The following DOP1A variants were observed in gnomAD, a reference collection of about 807,000 sequenced individuals.
DOP1A encodes the protein protein DOP1A.
In DOP1A, 90 loss-of-function variants were observed where a neutral mutation model predicts 267.6. The observed-to-expected ratio is 0.34, with a 90% confidence interval of 0.28 to 0.40. The LOEUF (loss-of-function observed/expected upper bound fraction) is 0.40, where lower values mean the gene tolerates loss of function less well. Among genes scored for constraint, DOP1A ranks in the 10% least tolerant of loss-of-function variants. DOP1A has a pLI of 1.00. For missense variants in DOP1A, 2,437 were observed against 2,900.4 expected (o/e 0.84, Z 3.67); for synonymous variants, 932 against 999.1 (o/e 0.93, Z 1.27).
At chr6:83,088,710 A>G (rs946328116) in intron 1 of DOP1A, among the ~76,000 whole-genome samples, 4 of 152,118 alleles carry the variant, frequency 2.6e-5, no homozygotes, top group Admixed American at 6.5e-5. Flanking sequence ...GTGAGCCACC[A>G]TGCCCGGCCT....
At chr6:83,082,832 G>A (rs532616643) in intron 1 of DOP1A, among the ~76,000 whole-genome samples, 5 of 145,598 alleles carry the variant, frequency 3.4e-5, no homozygotes, top group Admixed American at 1.4e-4. Flanking sequence ...TTTTGAGACC[G>A]AGTTTTGCTC....
rs1779061755 is a variant in DOP1A, at chr6:83,137,671, G to A, written c.3629G>A (p.Ser1210Asn). 2 of 1,613,526 alleles carry A rather than the reference G, an allele frequency of 1.2e-6. No homozygotes were observed. Residue 1210 changes from serine (S) to asparagine (N), a missense_variant, in exon 21 of 39, where the codon AGT becomes AAT. Ser to Asn is a conservative substitution (Grantham distance 46). Around this residue, in one of 9 missense-constraint regions of DOP1A, gnomAD observed 878 missense variants for 992.9 expected, o/e 0.88. Coordinates refer to ENST00000349129, the MANE Select transcript of DOP1A (RefSeq NM_015018.4). ...SIQQSQNALLSNESSQFLSVS... is the reference protein window; with the variant it reads ...SIQQSQNALLNNESSQFLSVS... Reference sequence around the variant, plus strand: ...CAACAGAGTCAGAATGCTTTGCTGAGTAATGAAAGTTCTCAGTTTCTGTCT... The same window carrying A: ...CAACAGAGTCAGAATGCTTTGCTGAATAATGAAAGTTCTCAGTTTCTGTCT...
chr6:83,079,299 T>G (rs569988145), intron 1 of DOP1A, among the ~76,000 whole-genome samples: 1 of 152,196 alleles, frequency 6.6e-6, no homozygotes, highest in East Asian at 1.9e-4. Flanking sequence ...TCTCAGTGAA[T>G]TTTTTTGCAT....
chr6:83,147,846 A>G (rs548474598), intron 26 of DOP1A, among the ~76,000 whole-genome samples: 4 of 152,304 alleles, frequency 2.6e-5, no homozygotes, highest in Admixed American at 1.3e-4. Context: ...ATCTGAACTT[A>G]TATACAGAGA....
At chr6:83,087,853 T>C (rs1315926842) in intron 1 of DOP1A, among the ~76,000 whole-genome samples, 2 of 151,908 alleles carry the variant, frequency 1.3e-5, no homozygotes, top group Non-Finnish European at 2.9e-5. Flanking sequence ...TGATGTTTGT[T>C]TTTTTGTTTG....
intron 23 of DOP1A, 68 bp from the exon 24 acceptor site, chr6:83,141,853 G>A (rs990683957): frequency 1.9e-5 from 28 of 1,503,332 alleles, no homozygotes; most frequent in African/African-American, 1.6e-4. Context: ...AACCAAAAAC[G>A]CAGTCTAGTT....
At chr6:83,111,339 T>C (rs904712679) in intron 6 of DOP1A, among the ~76,000 whole-genome samples, 2 of 151,862 alleles carry the variant, frequency 1.3e-5, no homozygotes, top group Non-Finnish European at 2.9e-5. Context: ...TGAACACTCA[T>C]GTATGAGTTT....
chr6:83,113,779 C>T (rs912390088), intron 7 of DOP1A, among the ~76,000 whole-genome samples: 105 of 152,286 alleles, frequency 6.9e-4, no homozygotes, highest in Non-Finnish European at 1.3e-3. Flanking sequence ...TTTTAACATG[C>T]ATGCCAGACC....
intron 1 of DOP1A, among the ~76,000 whole-genome samples, chr6:83,088,419 CT>C (rs746293399): frequency 0.045 from 5,211 of 115,534 alleles, 101 homozygotes; most frequent in African/African-American, 0.12. Flanking sequence ...TGTCTTCCAT[CT>C]TTTTTTTTTT....
In DOP1A at chr6:83,125,746, A is replaced by G. The variant is rs1777054102; in HGVS notation, c.1719+13A>G. 1.3e-6 allele frequency: 2 copies of G among 1,599,206 alleles called. No homozygotes were observed. Among genetic ancestry groups the G allele is most frequent in the African/African-American group, 2.7e-5 (2 of 74,648 alleles). On this transcript the variant is annotated intron_variant, in intron 15 of 38. Transcript: ENST00000349129. ...GGAAGACAAAAAGGTAATTTTAACT[A>G]TTATTTTTGGTATTAGACTGTTCAT...
At chr6:83,105,346 G>A (rs973757588) in intron 4 of DOP1A, among the ~76,000 whole-genome samples, 2 of 146,524 alleles carry the variant, frequency 1.4e-5, no homozygotes, top group Admixed American at 1.4e-4. Flanking sequence ...AAATGAACAT[G>A]GATGTCTTTC....
intron 11 of DOP1A, 93 bp from the exon 12 acceptor site, chr6:83,122,770 C>G (rs1454657733): frequency 1.1e-6 from 1 of 908,230 alleles, no homozygotes. Flanking sequence ...TAGCAACTAC[C>G]TAGGAATATG....
chr6:83,099,115 A>G lies in DOP1A; in HGVS notation c.139-1590A>G, dbSNP rs1463160153. 3.9e-5 allele frequency among the ~76,000 whole-genome samples: 6 copies of G among 152,124 alleles called. No homozygotes were observed. In the East Asian group the frequency reaches 5.8e-4, roughly 15 times the overall value. ...TTCTGAGGCCTGCTTCTGAGGCCCAAAGTTCCCCATATTATAATAAGGGCT... is the reference window on the plus strand; with the variant it reads ...TTCTGAGGCCTGCTTCTGAGGCCCAGAGTTCCCCATATTATAATAAGGGCT... On this transcript the variant is annotated intron_variant, in intron 3 of 38. Transcript: ENST00000349129.
intron 3 of DOP1A, among the ~76,000 whole-genome samples, chr6:83,099,443 T>TC (rs1289416626): frequency 2.6e-5 from 4 of 152,136 alleles, no homozygotes; most frequent in African/African-American, 9.7e-5. Context: ...GTTAGGTTCT[T>TC]TTTTTTCCTA....
In DOP1A at chr6:83,120,686, A is replaced by G. The variant is rs768515488; in HGVS notation, c.994A>G (p.Met332Val). The G allele has an allele frequency of 3.8e-6, 6 of 1,570,268 alleles. No individual in the cohort carries two copies. Among genetic ancestry groups the G allele is most frequent in the Non-Finnish European group, 5.2e-6 (6 of 1,147,758 alleles). Reference protein sequence around the residue: ...TFSKELLVQAMVGILQVNGFG... With the variant: ...TFSKELLVQAVVGILQVNGFG... ...AGTGTACTTTCCTTTTTTAAAGGCAATGGTGGGAATCTTACAAGTGAATGG... is the reference window on the plus strand; with the variant it reads ...AGTGTACTTTCCTTTTTTAAAGGCAGTGGTGGGAATCTTACAAGTGAATGG... Residue 332 changes from methionine to valine, a missense_variant, in exon 10 of 39, where the codon ATG becomes GTG. Coordinates refer to ENST00000349129, the MANE Select transcript of DOP1A (RefSeq NM_015018.4).
At chr6:83,128,047 G>C (rs1471846730) in intron 15 of DOP1A, among the ~76,000 whole-genome samples, 1 of 152,110 alleles carries the variant, frequency 6.6e-6, no homozygotes, top group South Asian at 2.1e-4. Context: ...AAGGTACCAA[G>C]AATGACCCCT....
rs140509010 is a variant in DOP1A at position 83,071,548 on chromosome 6, A to T, written c.-147+3769A>T. Among the ~76,000 whole-genome samples the T allele has an allele frequency of 2.3e-3, 355 of 152,096 alleles. 1 individual carries two copies. Among genetic ancestry groups the T allele is most frequent in the Non-Finnish European group, 3.1e-3 (210 of 67,988 alleles). On this transcript the variant is annotated intron_variant, in intron 1 of 38. Coordinates refer to ENST00000349129, the MANE Select transcript of DOP1A (RefSeq NM_015018.4). The stretch of plus-strand genomic sequence containing the variant: ...CAGTGTCACTTAGCTCTGCCCTCGG[A>T]TCTTATAAAATCATCCCACGTCTCC...
chr6:83,089,442 A>T (rs115609618), intron 1 of DOP1A, among the ~76,000 whole-genome samples: 1,762 of 152,218 alleles, frequency 0.012, 41 homozygotes, highest in African/African-American at 0.041. Context: ...TTATTTTTAT[A>T]ATTGATATAT....
At chr6:83,073,099 T>C (rs1785890645) in intron 1 of DOP1A, 1 of 232,182 alleles carries the variant, frequency 4.3e-6, no homozygotes, top group Non-Finnish European at 8.9e-6. Context: ...TTCTTTTTTT[T>C]TGAGACAGAC....
Sources: allele counts gnomAD v4.1 joint callset (sites outside exome capture counted in the v4.1 genomes callset), GRCh38; gene constraint gnomAD v4.1.1; regional missense constraint gnomAD v4.1.1; transcripts MANE v1.5; gene names NCBI Gene and HGNC (gene_info 2026-07-23, HGNC 2026-07-21).